The following ASIC2 variants were observed in gnomAD, a reference collection of about 807,000 sequenced individuals.
ASIC2 encodes acid sensing ion channel subunit 2.
In ASIC2, 25 loss-of-function variants were observed where a neutral mutation model predicts 57.3. That is an observed-to-expected ratio of 0.44 (90% confidence interval 0.32 to 0.61). ASIC2 has a LOEUF of 0.61. Among genes scored for constraint, ASIC2 ranks in the 20% least tolerant of loss-of-function variants. ASIC2 has a pLI of 0.06. For missense variants in ASIC2, 641 were observed against 738.1 expected (o/e 0.87, Z 1.52); for synonymous variants, 319 against 307.5 (o/e 1.04, Z -0.39).
At chr17:33,508,880 G>A (rs1442961723) in intron 1 of ASIC2, among the ~76,000 whole-genome samples, 3 of 152,174 alleles carry the variant, frequency 2.0e-5, no homozygotes, top group African/African-American at 7.2e-5. Context: ...ATGGAAGGGT[G>A]ACCTCTTACT....
Position 33,123,435 on chromosome 17 carries a change from G to C in ASIC2, c.709-11368C>G, listed in dbSNP as rs145773079. Among the ~76,000 whole-genome samples the C allele has an allele frequency of 5.9e-3, 892 of 152,254 alleles. 33 individuals are homozygous for C. Among genetic ancestry groups the C allele is most frequent in the Admixed American group, 0.054 (830 of 15,304 alleles). On this transcript the variant is annotated intron_variant, in intron 1 of 9. Coordinates refer to ENST00000225823, the MANE Select transcript of ASIC2 (RefSeq NM_183377.2). ...CCACATGATCTCACTTATATATGTG[G>C]AATCTAAAAAAATTGAACTCAGAGA...
intron 1 of ASIC2, among the ~76,000 whole-genome samples, chr17:33,303,723 T>C (rs898080581): frequency 6.6e-6 from 1 of 152,192 alleles, no homozygotes; most frequent in South Asian, 2.1e-4. Context: ...CCTTCCTTTC[T>C]TCCTTCTTTC....
intron 1 of ASIC2, among the ~76,000 whole-genome samples, chr17:34,048,867 A>G (rs1212382191): frequency 1.3e-5 from 2 of 152,210 alleles, no homozygotes; most frequent in Non-Finnish European, 2.9e-5. Flanking sequence ...TTATTGATTG[A>G]CTTGGGGGCT....
At chr17:34,086,522 T>C (rs1489079030) in intron 1 of ASIC2, among the ~76,000 whole-genome samples, 1 of 152,086 alleles carries the variant, frequency 6.6e-6, no homozygotes, top group East Asian at 1.9e-4. Flanking sequence ...TCTGTTGATT[T>C]GGGGTGGAGA....
intron 1 of ASIC2, among the ~76,000 whole-genome samples, chr17:34,105,481 T>A (rs1242470190): frequency 4.1e-4 from 1 of 2,418 alleles, no homozygotes; most frequent in East Asian, 1.8e-3. Context: ...TTCATCTACC[T>A]TTTTTTTTTT....
At chr17:34,035,407 T>C (rs1418655513) in intron 1 of ASIC2, among the ~76,000 whole-genome samples, 3 of 147,288 alleles carry the variant, frequency 2.0e-5, no homozygotes, top group African/African-American at 2.6e-5. Context: ...ACTTAAACGT[T>C]AGACCTAAAA....
intron 1 of ASIC2, among the ~76,000 whole-genome samples, chr17:33,409,711 C>G (rs1357433989): frequency 6.6e-6 from 1 of 152,150 alleles, no homozygotes; most frequent in African/African-American, 2.4e-5. Flanking sequence ...GCCGAGGGAG[C>G]TGGACCATTT....
intron 1 of ASIC2, among the ~76,000 whole-genome samples, chr17:34,033,514 C>T (rs1907717790): frequency 6.6e-6 from 1 of 152,118 alleles, no homozygotes. Flanking sequence ...TAACTAAGAT[C>T]AGAGCAGAAC....
intron 1 of ASIC2, among the ~76,000 whole-genome samples, chr17:33,323,085 A>G (rs1167078195): frequency 6.6e-6 from 1 of 152,222 alleles, no homozygotes; most frequent in Admixed American, 6.5e-5. Flanking sequence ...TGCTGCTGGT[A>G]GGAGTGCAAA....
At position 33,166,149 on chromosome 17, in the gene ASIC2, G is replaced by GT. The variant is rs780170172; in HGVS notation, c.709-54083dup. Among the ~76,000 whole-genome samples, 3 of 152,268 alleles carry GT rather than the reference G, an allele frequency of 2.0e-5. No individual in the cohort carries two copies. The East Asian group carries it at 5.8e-4, about 29-fold the overall frequency. ...GTACTTCTGTCAGGCACTTGTCTAA[G>GT]TACTTTCCTGAATTTACACAATTGC... is the stretch of plus-strand genomic sequence containing the variant. On this transcript the variant is annotated intron_variant, in intron 1 of 9. Coordinates refer to ENST00000225823, the MANE Select transcript of ASIC2 (RefSeq NM_183377.2).
At chr17:33,216,278 T>C (rs1011833619) in intron 1 of ASIC2, among the ~76,000 whole-genome samples, 3 of 152,196 alleles carry the variant, frequency 2.0e-5, no homozygotes, top group Non-Finnish European at 4.4e-5. Flanking sequence ...GCAAAAACTC[T>C]AACGTCATCT....
chr17:34,040,229 G>T (rs1908071971), intron 1 of ASIC2, among the ~76,000 whole-genome samples: 5 of 146,252 alleles, frequency 3.4e-5, no homozygotes, highest in Admixed American at 3.4e-4. Flanking sequence ...CCGCTCGGCT[G>T]GGGGCCACTC....
intron 4 of ASIC2, among the ~76,000 whole-genome samples, chr17:33,027,942 C>A (rs2091865749): frequency 6.6e-6 from 1 of 152,230 alleles, no homozygotes; most frequent in Non-Finnish European, 1.5e-5. Context: ...TTGCAAGCAT[C>A]CAGTTATCTG....
intron 1 of ASIC2, among the ~76,000 whole-genome samples, chr17:33,552,927 G>A (rs965134565): frequency 6.6e-6 from 1 of 152,184 alleles, no homozygotes; most frequent in African/African-American, 2.4e-5. Context: ...AGCTGGGAGG[G>A]GAAATGCATT....
intron 8 of ASIC2, among the ~76,000 whole-genome samples, chr17:33,016,848 G>A (rs1459088142): frequency 6.6e-6 from 1 of 152,180 alleles, no homozygotes; most frequent in Non-Finnish European, 1.5e-5. Context: ...CACATTGGAG[G>A]TGAAGTGCAT....
chr17:33,079,630 A>C (rs73275870), intron 3 of ASIC2, among the ~76,000 whole-genome samples: 3,727 of 152,206 alleles, frequency 0.024, 167 homozygotes, highest in African/African-American at 0.086. Context: ...CAGAGTGAGC[A>C]CTGGGGAGGC....
At chr17:33,329,029 A>G (rs938731243) in intron 1 of ASIC2, among the ~76,000 whole-genome samples, 1 of 152,140 alleles carries the variant, frequency 6.6e-6, no homozygotes, top group Non-Finnish European at 1.5e-5. Flanking sequence ...AGCCTTCCTT[A>G]TTTAAGAATA....
At chr17:33,719,585 A>G (rs1397235303) in intron 1 of ASIC2, among the ~76,000 whole-genome samples, 1 of 152,240 alleles carries the variant, frequency 6.6e-6, no homozygotes, top group African/African-American at 2.4e-5. Context: ...ACACACAAGT[A>G]AGATGTCAGC....
intron 1 of ASIC2, among the ~76,000 whole-genome samples, chr17:33,282,466 T>TGTGC (rs2142170557): frequency 1.1e-5 from 1 of 89,024 alleles, no homozygotes. Flanking sequence ...TGTGTGTGTG[T>TGTGC]GTGTGTGTGC....
Sources: allele counts gnomAD v4.1 joint callset (sites outside exome capture counted in the v4.1 genomes callset), GRCh38; gene constraint gnomAD v4.1.1; transcripts MANE v1.5; gene names NCBI Gene and HGNC (gene_info 2026-07-23, HGNC 2026-07-21).